Variants in CSMD1 observed in about 807,000 individuals in gnomAD.
CSMD1 encodes CUB and Sushi multiple domains 1.
In CSMD1, 213 loss-of-function variants were observed where a neutral mutation model predicts 417.5. The ratio of observed to expected loss-of-function variants is 0.51; its 90% CI spans 0.46 to 0.57. The LOEUF is 0.57. Among genes scored for constraint, CSMD1 ranks in the 20% least tolerant of loss-of-function variants. The pLI, the probability that CSMD1 is intolerant of heterozygous loss-of-function variation, is 0.00. For synonymous variants in CSMD1, 2,862 were observed against 1,736.8 expected, an observed-to-expected ratio of 1.65 and a Z score of -16.11; for missense variants, 6,923 against 4,529.7, an observed-to-expected ratio of 1.53 and a Z score of -15.17.
At chr8:3,052,189 G>A (rs1424567094) in intron 50 of CSMD1, among the ~76,000 whole-genome samples, 2 of 152,148 alleles carry the variant, frequency 1.3e-5, no homozygotes, top group Non-Finnish European at 2.9e-5. Context: ...ATTGAAAATG[G>A]CAGCACAGAA....
chr8:3,501,275 C>G (rs1796588849), intron 10 of CSMD1, among the ~76,000 whole-genome samples: 3 of 152,094 alleles, frequency 2.0e-5, no homozygotes, highest in Admixed American at 6.6e-5. Context: ...AACACACATG[C>G]ACACACATAC....
At chr8:3,314,833 C>A (rs1368545618) in intron 23 of CSMD1, among the ~76,000 whole-genome samples, 1 of 152,184 alleles carries the variant, frequency 6.6e-6, no homozygotes, top group Non-Finnish European at 1.5e-5. Flanking sequence ...CCAAATAAAG[C>A]ACTTGTGTTT....
intron 7 of CSMD1, among the ~76,000 whole-genome samples, chr8:3,649,584 T>G (rs1363788045): frequency 6.6e-6 from 1 of 152,030 alleles, no homozygotes; most frequent in Admixed American, 6.6e-5. Context: ...GGGGAGAGCC[T>G]CTTATAAAAC....
chr8:3,411,341 G>C (rs1164581662), intron 12 of CSMD1, among the ~76,000 whole-genome samples: 1 of 150,858 alleles, frequency 6.6e-6, no homozygotes, highest in African/African-American at 2.5e-5. Flanking sequence ...GTATTTTTTA[G>C]TAACCTAACT....
chr8:4,927,197 C>A (rs930922972), intron 1 of CSMD1, among the ~76,000 whole-genome samples: 1 of 151,286 alleles, frequency 6.6e-6, no homozygotes, highest in Non-Finnish European at 1.5e-5. Context: ...ATCTCCACCT[C>A]CCACGTTCAA....
At chr8:4,101,209 A>T (rs1269225171) in intron 3 of CSMD1, among the ~76,000 whole-genome samples, 3 of 152,322 alleles carry the variant, frequency 2.0e-5, no homozygotes, top group African/African-American at 7.2e-5. Flanking sequence ...ACACGTATGA[A>T]TTCTTGGTTT....
At chr8:4,946,140 C>A (rs987036999) in intron 1 of CSMD1, among the ~76,000 whole-genome samples, 5 of 152,152 alleles carry the variant, frequency 3.3e-5, no homozygotes, top group Admixed American at 1.3e-4. Context: ...ACAGGGATAA[C>A]TTCAAAAGCA....
intron 49 of CSMD1, among the ~76,000 whole-genome samples, chr8:3,059,366 C>T (rs757371568): frequency 6.8e-5 from 3 of 44,180 alleles, no homozygotes; most frequent in Non-Finnish European, 2.1e-4. Context: ...AACTTTTTCT[C>T]TGCTTTTCTC....
At chr8:4,161,171 A>C (rs938413838) in intron 3 of CSMD1, among the ~76,000 whole-genome samples, 4 of 152,194 alleles carry the variant, frequency 2.6e-5, no homozygotes, top group African/African-American at 7.2e-5. Context: ...CAGAAGGATG[A>C]AGTACTTGCA....
chr8:4,829,862 G>C (rs778621844), intron 1 of CSMD1, among the ~76,000 whole-genome samples: 10 of 152,152 alleles, frequency 6.6e-5, no homozygotes, highest in Non-Finnish European at 8.8e-5. Flanking sequence ...GGGCTGGTCA[G>C]AGTGGTACAA....
At chr8:4,451,656 T>G (rs927176241) in intron 2 of CSMD1, among the ~76,000 whole-genome samples, 1 of 152,168 alleles carries the variant, frequency 6.6e-6, no homozygotes. Context: ...GATACATTCC[T>G]TAGTCAATTG....
chr8:3,393,796 A>T (rs1470217669), intron 17 of CSMD1, among the ~76,000 whole-genome samples: 5 of 151,426 alleles, frequency 3.3e-5, no homozygotes, highest in Non-Finnish European at 7.4e-5. Context: ...CAATGAGAAC[A>T]CATGGACACA....
At chr8:4,958,770 C>G (rs889355475) in intron 1 of CSMD1, among the ~76,000 whole-genome samples, 4 of 152,080 alleles carry the variant, frequency 2.6e-5, no homozygotes, top group Admixed American at 2.6e-4. Flanking sequence ...CTGTTTCAAA[C>G]TAGAAGTGAA....
intron 15 of CSMD1, among the ~76,000 whole-genome samples, chr8:3,405,345 C>T (rs985258730): frequency 6.6e-6 from 1 of 152,090 alleles, no homozygotes; most frequent in African/African-American, 2.4e-5. Flanking sequence ...TTAGAGGCAA[C>T]ATCTTTTTCC....
chr8:4,388,154 C>T (rs112918952), intron 3 of CSMD1, among the ~76,000 whole-genome samples: 12 of 152,290 alleles, frequency 7.9e-5, no homozygotes, highest in African/African-American at 2.9e-4. Flanking sequence ...CTTCTACCAA[C>T]AGTCCCACTA....
chr8:4,944,934 C>T (rs1808270329), intron 1 of CSMD1, among the ~76,000 whole-genome samples: 1 of 152,088 alleles, frequency 6.6e-6, no homozygotes, highest in African/African-American at 2.4e-5. Flanking sequence ...ATCAGGGTCT[C>T]ACAGAGATAT....
At chr8:4,275,780 T>C (rs1335483409) in intron 3 of CSMD1, among the ~76,000 whole-genome samples, 1 of 152,202 alleles carries the variant, frequency 6.6e-6, no homozygotes, top group Non-Finnish European at 1.5e-5. Flanking sequence ...ATAAAAACTC[T>C]AAAATGCTAT....
At chr8:3,740,454 A>C (rs1184318212) in intron 6 of CSMD1, among the ~76,000 whole-genome samples, 1 of 152,224 alleles carries the variant, frequency 6.6e-6, no homozygotes, top group East Asian at 1.9e-4. Flanking sequence ...AGACTTTTGC[A>C]GGAGAACTCA....
At chr8:3,981,563 G>A (rs1322217326) in intron 5 of CSMD1, among the ~76,000 whole-genome samples, 1 of 146,832 alleles carries the variant, frequency 6.8e-6, no homozygotes, top group Non-Finnish European at 1.5e-5. Context: ...TTTCCACACC[G>A]TGTTCCATCA....
Sources: allele counts gnomAD v4.1 joint callset (sites outside exome capture counted in the v4.1 genomes callset), GRCh38; gene constraint gnomAD v4.1.1; transcripts MANE v1.5; gene names NCBI Gene and HGNC (gene_info 2026-07-23, HGNC 2026-07-21).